The following FBXO36 variants were observed in gnomAD, a reference collection of about 807,000 sequenced individuals.
FBXO36 encodes F-box protein 36, also known as F-box only protein 36.
Under a neutral mutation model 17.0 loss-of-function variants are expected in FBXO36, and 18 were observed. The ratio of observed to expected loss-of-function variants is 1.06; its 90% CI spans 0.73 to 1.57. The LOEUF (loss-of-function observed/expected upper bound fraction) is 1.57, where lower values mean the gene tolerates loss of function less well. Ranked by LOEUF, FBXO36 falls within the 40% of genes most tolerant of loss-of-function variation. The pLI, the probability that FBXO36 is intolerant of heterozygous loss-of-function variation, is 0.00. For synonymous variants in FBXO36, 83 were observed against 85.3 expected (o/e 0.97, Z 0.15); for missense variants, 229 against 221.9 (o/e 1.03, Z -0.20).
At chr2:230,005,353 G>A (rs1051713017) in intron 3 of FBXO36, among the ~76,000 whole-genome samples, 5 of 152,026 alleles carry the variant, frequency 3.3e-5, no homozygotes, top group East Asian at 3.9e-4. Context: ...CTCCTGCCTC[G>A]GCCTTCCAAA....
At chr2:229,995,612 G>GTTTTA (rs2077322663) in intron 2 of FBXO36, among the ~76,000 whole-genome samples, 1 of 79,064 alleles carries the variant, frequency 1.3e-5, no homozygotes, top group Non-Finnish European at 2.6e-5. Flanking sequence ...TTTTTTTTTG[G>GTTTTA]ACAGAATTTC....
At chr2:229,985,838 C>T (rs375794840) in intron 2 of FBXO36, among the ~76,000 whole-genome samples, 2 of 152,086 alleles carry the variant, frequency 1.3e-5, no homozygotes, top group African/African-American at 4.8e-5. Flanking sequence ...TGCCTGAGCC[C>T]AGGGGTTCAA....
intron 1 of FBXO36, among the ~76,000 whole-genome samples, chr2:229,943,720 C>A (rs1174479069): frequency 6.6e-6 from 1 of 152,152 alleles, no homozygotes; most frequent in East Asian, 1.9e-4. Context: ...GACATCTCCC[C>A]AGATCCATTC....
chr2:229,996,601 C>T, intron 2 of FBXO36, 150 bp from the exon 3 acceptor site: 1 of 830,378 alleles, frequency 1.2e-6, no homozygotes, highest in Non-Finnish European at 1.8e-6. Flanking sequence ...CAGTTAGTCC[C>T]AAAGGCAGCT....
intron 2 of FBXO36, among the ~76,000 whole-genome samples, chr2:229,989,414 T>C (rs968421683): frequency 7.3e-5 from 11 of 151,494 alleles, no homozygotes; most frequent in African/African-American, 2.7e-4. Flanking sequence ...TGTGCCACCA[T>C]GCCTGGCTAA....
rs1004376926 is a variant in FBXO36 at position 229,998,412 on chromosome 2, T to C, written c.378+1489T>C. Among the ~76,000 whole-genome samples, 3 of 152,034 alleles carry C rather than the reference T, an allele frequency of 2.0e-5. 1 individual carries two copies. Among genetic ancestry groups the C allele is most frequent in the Non-Finnish European group, 2.9e-5 (2 of 67,980 alleles). On this transcript the variant is annotated intron_variant, in intron 3 of 3. Coordinates refer to ENST00000283946, the MANE Select transcript of FBXO36 (RefSeq NM_174899.5). ...CTGAGGCGGTTGGATCACCTGAGGT[T>C]GGGAGTTTGAGACCAGCCTGACCAG...
At chr2:229,983,523 C>T (rs1465471713) in intron 2 of FBXO36, among the ~76,000 whole-genome samples, 1 of 152,156 alleles carries the variant, frequency 6.6e-6, no homozygotes, top group Non-Finnish European at 1.5e-5. Context: ...CCAGGCTGGT[C>T]TCAAACTCCT....
rs1194000234 is a variant in FBXO36, at chr2:230,012,201, T to C, written c.*1317T>C. 1 of 152,124 alleles carries C rather than the reference T, an allele frequency of 6.6e-6. No homozygotes were observed. The highest frequency in any genetic ancestry group is 1.9e-4 in the East Asian group (1 of 5,182). 9.4% of individuals were successfully genotyped at this position (152,124 alleles called of 1,614,324 possible). A position where few individuals can be genotyped will look rare whatever the true frequency, so the allele number is the denominator to read the frequency against. ...AGGGCCCTGTGAACAATACAGAAGT[T>C]GTGGACTCTGGCTCTTTGTCCCACC... On this transcript the variant is annotated 3_prime_UTR_variant, in exon 4 of 4. Transcript: ENST00000283946.
intron 1 of FBXO36, among the ~76,000 whole-genome samples, chr2:229,969,059 G>C (rs1300277095): frequency 6.6e-6 from 1 of 151,942 alleles, no homozygotes; most frequent in Admixed American, 6.6e-5. Flanking sequence ...ACCACACCAG[G>C]CTCAAATTAT....
Position 229,996,836 on chromosome 2 carries a change from C to A in FBXO36, c.291C>A (p.Leu97=). The A allele has an allele frequency of 1.9e-6, 3 of 1,614,072 alleles. No individual in the cohort carries two copies. The highest frequency in any genetic ancestry group is 2.5e-6 in the Non-Finnish European group (3 of 1,180,008). Residue 97 remains leucine (L), a synonymous_variant, in exon 3 of 4, where the codon CTC becomes CTA. Coordinates refer to ENST00000283946, the MANE Select transcript of FBXO36 (RefSeq NM_174899.5). ...CKGKFDFLER[L]SDDLLLTIIS... is the part of the protein sequence containing the mutation. The stretch of plus-strand genomic sequence containing the variant: ...GTAAATTTGACTTCCTTGAACGGCT[C>A]TCAGACGATTTGCTCCTGACTATCA...
At chr2:229,950,236 G>A (rs2077050390) in intron 1 of FBXO36, among the ~76,000 whole-genome samples, 1 of 152,094 alleles carries the variant, frequency 6.6e-6, no homozygotes, top group African/African-American at 2.4e-5. Flanking sequence ...GACCAGCCTG[G>A]CCAGCATGGT....
intron 3 of FBXO36, among the ~76,000 whole-genome samples, chr2:229,999,508 T>C (rs1382387925): frequency 6.7e-6 from 1 of 148,802 alleles, no homozygotes; most frequent in Admixed American, 6.8e-5. Context: ...TGTATATATA[T>C]ATATATATGT....
At chr2:229,938,769 T>C (rs2076980563) in intron 1 of FBXO36, among the ~76,000 whole-genome samples, 1 of 142,032 alleles carries the variant, frequency 7.0e-6, no homozygotes, top group South Asian at 2.2e-4. Context: ...TTTTTTTTTT[T>C]TTCCCCCGAG....
At chr2:229,996,582 A>G (rs2077328540) in intron 2 of FBXO36, among the ~76,000 whole-genome samples, 169 bp from the exon 3 acceptor site, 1 of 152,206 alleles carries the variant, frequency 6.6e-6, no homozygotes, top group Non-Finnish European at 1.5e-5. Context: ...GATGCCTCAA[A>G]AATGCATTCA....
intron 2 of FBXO36, among the ~76,000 whole-genome samples, chr2:229,986,031 G>T (rs1013541583): frequency 1.3e-5 from 2 of 152,110 alleles, no homozygotes; most frequent in Non-Finnish European, 2.9e-5. Flanking sequence ...TGGGGGACAG[G>T]ATGAGACCCT....
rs143612470 is a variant in FBXO36, at chr2:230,003,028, T to C, written c.378+6105T>C. On this transcript the variant is annotated intron_variant, in intron 3 of 3. Transcript: ENST00000283946. ...GAGATCAAAACCATCCTGGCCAACA[T>C]GATGAAACCCCCGTCTCTACCAAAA... Among the ~76,000 whole-genome samples, 882 of 151,836 alleles carry C rather than the reference T, an allele frequency of 5.8e-3. 6 individuals carry two copies. The highest frequency in any genetic ancestry group is 0.011 in the Non-Finnish European group (755 of 67,914).
chr2:229,964,067 A>G (rs1391904782), intron 1 of FBXO36, among the ~76,000 whole-genome samples: 2 of 151,890 alleles, frequency 1.3e-5, no homozygotes, highest in Non-Finnish European at 2.9e-5. Flanking sequence ...TTCCCTGTGA[A>G]CTATTTGTTG....
intron 2 of FBXO36, among the ~76,000 whole-genome samples, chr2:229,988,844 G>GGT (rs2077283419): frequency 8.7e-5 from 10 of 114,744 alleles, no homozygotes; most frequent in Non-Finnish European, 1.4e-4. Flanking sequence ...TTTTTTTTTT[G>GGT]TTTTTTTTTT....
intron 2 of FBXO36, among the ~76,000 whole-genome samples, chr2:229,981,701 CAA>C (rs11326626): frequency 0.25 from 25,935 of 103,216 alleles, 2,194 homozygotes; most frequent in South Asian, 0.33. Flanking sequence ...GACCCTGTCT[CAA>C]AAAAAAAAAA....
Sources: gnomAD v4.1 joint callset for allele counts (sites outside exome capture counted in the v4.1 genomes callset) on GRCh38, gnomAD v4.1.1 for gene constraint, MANE v1.5 for transcripts, NCBI Gene and HGNC (gene_info 2026-07-23, HGNC 2026-07-21) for gene names.